The following C12orf42 variants were observed in gnomAD, a reference collection of about 807,000 sequenced individuals.
The protein encoded by C12orf42 is chromosome 12 open reading frame 42.
Under a neutral mutation model 21.6 loss-of-function variants are expected in C12orf42, and 25 were observed. The ratio of observed to expected loss-of-function variants is 1.16; its 90% CI spans 0.84 to 1.62. The LOEUF is 1.62. Ranked by LOEUF, C12orf42 falls within the 40% of genes most tolerant of loss-of-function variation. The pLI is 0.00. For missense variants in C12orf42, 483 were observed against 459.3 expected (o/e 1.05, Z -0.47); for synonymous variants, 174 against 175.0 (o/e 0.99, Z 0.05).
chr12:103,258,793 A>T (rs1222619750), intron 10 of C12orf42, among the ~76,000 whole-genome samples: 1 of 152,184 alleles, frequency 6.6e-6, no homozygotes, highest in Admixed American at 6.5e-5. Context: ...CAAGATTTTA[A>T]TGAAGAAAAA....
chr12:103,398,854 C>T (rs751484373), intron 3 of C12orf42, among the ~76,000 whole-genome samples: 1 of 152,084 alleles, frequency 6.6e-6, no homozygotes, highest in Non-Finnish European at 1.5e-5. Context: ...TGTTTAAGGA[C>T]TAAGTCTTTA....
chr12:103,535,771 G>A, the C12orf42 span, among the ~76,000 whole-genome samples: 1 of 152,190 alleles, frequency 6.6e-6, no homozygotes, highest in East Asian at 1.9e-4. Context: ...GTAGATCTGT[G>A]AGATAATAAG....
At chr12:103,178,052 T>C in the C12orf42 span, 1 of 151,990 alleles carries the variant, frequency 6.6e-6, no homozygotes, top group African/African-American at 2.4e-5. Context: ...TTCTTAGTGG[T>C]CTCCAGACAC....
the C12orf42 span, among the ~76,000 whole-genome samples, chr12:103,200,965 A>G: frequency 1.2e-4 from 19 of 152,336 alleles, no homozygotes; most frequent in Non-Finnish European, 2.2e-4. Flanking sequence ...TCTCTTGGAA[A>G]GCAATTTCTG....
chr12:103,434,682 G>A (rs1024807336), intron 2 of C12orf42, among the ~76,000 whole-genome samples: 4 of 152,302 alleles, frequency 2.6e-5, no homozygotes, highest in East Asian at 1.9e-4. Context: ...CGAATATTGC[G>A]CTTTTCGGAC....
intron 5 of C12orf42, among the ~76,000 whole-genome samples, chr12:103,274,650 T>G (rs2035659638): frequency 6.6e-6 from 1 of 152,206 alleles, no homozygotes; most frequent in Non-Finnish European, 1.5e-5. Context: ...TCTGTGTGTG[T>G]CTGTGTGTGT....
At chr12:103,231,873 G>C in the C12orf42 span, among the ~76,000 whole-genome samples, 3 of 152,086 alleles carry the variant, frequency 2.0e-5, no homozygotes, top group Admixed American at 1.3e-4. Context: ...TTTTAGTTTT[G>C]TAGAAAACTG....
chr12:103,347,607 A>G (rs1307445810), intron 4 of C12orf42, among the ~76,000 whole-genome samples: 1 of 152,184 alleles, frequency 6.6e-6, no homozygotes, highest in East Asian at 1.9e-4. Flanking sequence ...AGTGCCATCT[A>G]CCAGCCATCA....
the C12orf42 span, among the ~76,000 whole-genome samples, chr12:103,226,325 G>C: frequency 6.6e-6 from 1 of 152,212 alleles, no homozygotes; most frequent in African/African-American, 2.4e-5. Flanking sequence ...TGTGGGGTTT[G>C]AGGGCCAGAT....
intron 6 of C12orf42, among the ~76,000 whole-genome samples, chr12:103,269,296 A>G (rs1480414881): frequency 2.6e-5 from 4 of 152,144 alleles, no homozygotes; most frequent in African/African-American, 9.7e-5. Context: ...TAGACAAATG[A>G]CATAAAGCAG....
intron 4 of C12orf42, among the ~76,000 whole-genome samples, chr12:103,323,171 T>A (rs1471614590): frequency 2.0e-5 from 3 of 152,190 alleles, no homozygotes; most frequent in Non-Finnish European, 4.4e-5. Context: ...ACTCTTTTTT[T>A]ACCTCCAAAT....
intron 4 of C12orf42, among the ~76,000 whole-genome samples, chr12:103,344,668 G>A (rs2042455506): frequency 6.6e-6 from 1 of 152,148 alleles, no homozygotes; most frequent in Non-Finnish European, 1.5e-5. Context: ...AGGCACAGGG[G>A]CTAGATCAAC....
chr12:103,428,646 C>G (rs1950032369), intron 2 of C12orf42, among the ~76,000 whole-genome samples: 1 of 152,136 alleles, frequency 6.6e-6, no homozygotes, highest in African/African-American at 2.4e-5. Flanking sequence ...GATACCAAAA[C>G]CTGGCAGAGA....
the C12orf42 span, among the ~76,000 whole-genome samples, chr12:103,106,684 G>A: frequency 5.0e-4 from 76 of 151,612 alleles, no homozygotes; most frequent in African/African-American, 1.2e-3. Context: ...AGAAGGAATC[G>A]TCTCAAGAAG....
At chr12:103,274,679 G>A (rs1278437393) in intron 5 of C12orf42, among the ~76,000 whole-genome samples, 1 of 152,076 alleles carries the variant, frequency 6.6e-6, no homozygotes, top group Non-Finnish European at 1.5e-5. Flanking sequence ...ACATGAACAT[G>A]CTCTTGTTTT....
intron 4 of C12orf42, among the ~76,000 whole-genome samples, chr12:103,354,992 C>T (rs1029522306): frequency 1.3e-5 from 2 of 152,072 alleles, no homozygotes; most frequent in East Asian, 3.9e-4. Flanking sequence ...AAAATGAATA[C>T]ATATATTAAA....
chr12:103,293,879 C>T (rs568737642), intron 4 of C12orf42, among the ~76,000 whole-genome samples: 43 of 152,228 alleles, frequency 2.8e-4, no homozygotes, highest in Non-Finnish European at 5.1e-4. Context: ...TTGGGTCTCA[C>T]GACTGTGGCT....
rs147846038 is a variant in C12orf42 at position 103,361,008 on chromosome 12, A to T, written c.259+7879T>A. 1.5e-3 allele frequency among the ~76,000 whole-genome samples: 222 copies of T among 152,206 alleles called. 2 individuals are homozygous for T. Among genetic ancestry groups the T allele is most frequent in the African/African-American group, 5.0e-3 (209 of 41,526 alleles). On this transcript the variant is annotated intron_variant, in intron 4 of 5. Transcript: ENST00000548883. ...CCTTTAACAGGGATCTGGGGGAAAA[A>T]AATGTTGTATGGAGGCAGGACAAGA...
intron 5 of C12orf42, among the ~76,000 whole-genome samples, chr12:103,274,629 GTGTC>G (rs1026649692): frequency 1.1e-4 from 17 of 152,188 alleles, no homozygotes; most frequent in African/African-American, 3.1e-4. Context: ...TCTACTGTTT[GTGTC>G]TGTCTGTCTG....
Sources: allele counts gnomAD v4.1 joint callset (sites outside exome capture counted in the v4.1 genomes callset), GRCh38; gene constraint gnomAD v4.1.1; transcripts MANE v1.5; gene names NCBI Gene and HGNC (gene_info 2026-07-23, HGNC 2026-07-21).